Variants in SELENOF observed in about 807,000 individuals in gnomAD.
SELENOF encodes selenoprotein F.
Under a neutral mutation model 20.5 loss-of-function variants are expected in SELENOF, and 16 were observed. The ratio of observed to expected loss-of-function variants is 0.78; its 90% CI spans 0.53 to 1.19. The LOEUF (loss-of-function observed/expected upper bound fraction) is 1.19. Among genes scored for constraint, SELENOF ranks in the 50% most tolerant of loss-of-function variants. The pLI, the probability that SELENOF is intolerant of heterozygous loss-of-function variation, is 0.00. For synonymous variants in SELENOF, 78 were observed against 74.5 expected (o/e 1.05, Z -0.24); for missense variants, 215 against 194.2 (o/e 1.11, Z -0.64).
chr1:86,863,789 A>G (rs1658523763), intron 4 of SELENOF, among the ~76,000 whole-genome samples, 184 bp from the exon 5 acceptor site: 1 of 149,812 alleles, frequency 6.7e-6, no homozygotes, highest in African/African-American at 2.5e-5. Flanking sequence ...TCGGAAAAAA[A>G]GGAGAATTAA....
At chr1:86,899,629 CTGGCGGGGGGCT>C (rs1339655092) in intron 2 of SELENOF, among the ~76,000 whole-genome samples, 3 of 150,306 alleles carry the variant, frequency 2.0e-5, no homozygotes, top group East Asian at 2.0e-4. Context: ...GGCGGCTGGC[CTGGCGGGGGGCT>C]GACCCCCCCA....
At chr1:86,870,981 A>C in intron 3 of SELENOF, among the ~76,000 whole-genome samples, 1 of 152,180 alleles carries the variant, frequency 6.6e-6, no homozygotes, top group East Asian at 1.9e-4. Context: ...AGGAATACTA[A>C]GATGAGTCAC....
At chr1:86,866,758 T>C (rs994808417) in intron 4 of SELENOF, among the ~76,000 whole-genome samples, 4 of 152,156 alleles carry the variant, frequency 2.6e-5, no homozygotes, top group African/African-American at 7.2e-5. Context: ...CAATGAAATA[T>C]CATCACATAC....
chr1:86,879,198 C>T (rs531212854), intron 3 of SELENOF, among the ~76,000 whole-genome samples: 2 of 151,868 alleles, frequency 1.3e-5, no homozygotes, highest in Non-Finnish European at 1.5e-5. Flanking sequence ...AAATCAATTG[C>T]TAAAACTTTC....
At chr1:86,905,196 A>G (rs1221495485) in intron 1 of SELENOF, among the ~76,000 whole-genome samples, 1 of 152,102 alleles carries the variant, frequency 6.6e-6, no homozygotes, top group Non-Finnish European at 1.5e-5. Flanking sequence ...CAACCAATTA[A>G]TATATTTTTA....
At chr1:86,873,455 T>C (rs951557935) in intron 3 of SELENOF, among the ~76,000 whole-genome samples, 12 of 152,204 alleles carry the variant, frequency 7.9e-5, no homozygotes, top group Admixed American at 3.3e-4. Context: ...CTTTCTGAGA[T>C]AAAGGAAATA....
rs1404309008 is a variant in SELENOF, at chr1:86,914,098, G to A, written c.14C>T (p.Ala5Val). Reference sequence around the variant, plus strand: ...CACCAGACACCCACTCGGCCCAGCCGCCATCGCTACCATTTTCCGCAGGTT... The same window carrying A: ...CACCAGACACCCACTCGGCCCAGCCACCATCGCTACCATTTTCCGCAGGTT... MVAM[A>V]AGPSGCLVPA... Residue 5 changes from alanine to valine, a missense_variant, in exon 1 of 5, where the codon GCG becomes GTG. Coordinates refer to ENST00000331835, the MANE Select transcript of SELENOF (RefSeq NM_004261.5). The A allele has an allele frequency of 6.2e-7, 1 of 1,613,944 alleles. No homozygotes were observed. The highest frequency in any genetic ancestry group is 1.7e-5 in the Admixed American group (1 of 60,028).
intron 1 of SELENOF, among the ~76,000 whole-genome samples, chr1:86,906,934 C>T (rs930602957): frequency 2.0e-5 from 3 of 152,190 alleles, no homozygotes; most frequent in East Asian, 1.9e-4. Context: ...ACTGTGAACT[C>T]GTTAACAAAC....
chr1:86,912,340 GCA>G (rs1452014296), intron 1 of SELENOF, among the ~76,000 whole-genome samples: 1 of 152,158 alleles, frequency 6.6e-6, no homozygotes, highest in South Asian at 2.1e-4. Context: ...TGGATTCTGT[GCA>G]CAGTCACTGT....
rs140346751 is a variant in SELENOF at position 86,877,613 on chromosome 1, A to G, written c.316+3049T>C. Among the ~76,000 whole-genome samples the G allele has an allele frequency of 1.9e-3, 295 of 152,252 alleles. 1 individual carries two copies. The highest frequency in any genetic ancestry group is 6.6e-3 in the African/African-American group (275 of 41,544). On this transcript the variant is annotated intron_variant, in intron 3 of 4. Coordinates refer to ENST00000331835, the MANE Select transcript of SELENOF (RefSeq NM_004261.5). ...GTATTTTTAAAGTTTCAGACTTCGG[A>G]GCATTCTAGATTTAAGATTTTTGAA...
At position 86,868,066 on chromosome 1, in the gene SELENOF, C is replaced by T; in HGVS notation, c.353G>A (p.Gly118Glu). 1.3e-6 allele frequency: 2 copies of T among 1,529,358 alleles called. No individual in the cohort carries two copies. Among genetic ancestry groups the T allele is most frequent in the Non-Finnish European group, 1.8e-6 (2 of 1,126,858 alleles). 94.7% of individuals were successfully genotyped at this position (1,529,358 alleles called of 1,614,324 possible). The change falls in exon 4 of 5, where the codon GGA (glycine) becomes GAA (glutamate). Residue 118 changes from glycine (G) to glutamate (E), a missense_variant. Physicochemically the swap from Gly to Glu is moderately conservative, Grantham distance 98. Coordinates refer to ENST00000331835, the MANE Select transcript of SELENOF (RefSeq NM_004261.5). Reference sequence around the variant, plus strand: ...CAATCACCTTACCTTGATTTGCAGTCCTCTGAACAGTTTGGGTTTATCACT... The same window carrying T: ...CAATCACCTTACCTTGATTTGCAGTTCTCTGAACAGTTTGGGTTTATCACT... ...VRSDKPKLFR[G>E]LQIKYVRGSD...
At chr1:86,888,883 G>A (rs182245393) in intron 2 of SELENOF, among the ~76,000 whole-genome samples, 5 of 152,308 alleles carry the variant, frequency 3.3e-5, no homozygotes, top group Admixed American at 3.3e-4. Flanking sequence ...CTGACCTCAG[G>A]TGATCCACCC....
chr1:86,900,834 G>T (rs551767080), intron 2 of SELENOF, among the ~76,000 whole-genome samples: 1 of 152,260 alleles, frequency 6.6e-6, no homozygotes, highest in East Asian at 1.9e-4. Flanking sequence ...CATCACACCC[G>T]AGTTGACTTT....
chr1:86,914,134 T>C (rs371054683), upstream of SELENOF: 12 of 1,612,502 alleles, frequency 7.4e-6, no homozygotes, highest in Non-Finnish European at 9.3e-6. Context: ...TCTGGCTGCC[T>C]AGAAGGACCC....
intron 4 of SELENOF, among the ~76,000 whole-genome samples, chr1:86,866,230 C>CTGTGTGTGTGTGTGTGTGTG (rs60714256): frequency 4.4e-5 from 5 of 113,680 alleles, no homozygotes; most frequent in East Asian, 5.5e-4. Flanking sequence ...GTGTGTGTCT[C>CTGTGTGTGTGTGTGTGTGTG]TGTGTGTGTG....
At chr1:86,882,180 C>T (rs1004872025) in intron 2 of SELENOF, among the ~76,000 whole-genome samples, 41 of 139,756 alleles carry the variant, frequency 2.9e-4, no homozygotes, top group African/African-American at 1.1e-3. Context: ...TGCAGTGAGC[C>T]GAAGGTTGCA....
intron 1 of SELENOF, among the ~76,000 whole-genome samples, chr1:86,907,705 T>C (rs925024425): frequency 1.3e-5 from 2 of 152,200 alleles, no homozygotes; most frequent in Non-Finnish European, 2.9e-5. Flanking sequence ...GAGGTTCAGC[T>C]GGATGCGGTG....
rs1264876097 is a variant in SELENOF at position 86,880,663 on chromosome 1, T to C, written c.315A>G (p.Gln105=). Residue 105 remains glutamine (Q), a splice_region_variant and synonymous_variant, in exon 3 of 5, where the codon CAA becomes CAG. Coordinates refer to ENST00000331835, the MANE Select transcript of SELENOF (RefSeq NM_004261.5). The part of the protein sequence containing the change: ...GUKLGRFPQV[Q]AFVRSDKPKL... ...TTTACTGGAGTAAATTTTATATACC[T>C]TGGACTTGAGGGAACCTTCCCAATT... 1.3e-6 allele frequency: 2 copies of C among 1,574,586 alleles called. No homozygotes were observed. Among genetic ancestry groups the C allele is most frequent in the East Asian group, 2.3e-5 (1 of 43,900 alleles).
chr1:86,903,617 A>C (rs1184701425), intron 1 of SELENOF, among the ~76,000 whole-genome samples, 169 bp from the exon 2 acceptor site: 1 of 151,970 alleles, frequency 6.6e-6, no homozygotes, highest in African/African-American at 2.4e-5. Flanking sequence ...TTTTTTTTTG[A>C]GACGGAGTCT....
Sources: allele counts gnomAD v4.1 joint callset (sites outside exome capture counted in the v4.1 genomes callset), GRCh38; gene constraint gnomAD v4.1.1; transcripts MANE v1.5; gene names NCBI Gene and HGNC (gene_info 2026-07-23, HGNC 2026-07-21).